The following SLC6A16 variants were observed in gnomAD, a reference collection of about 807,000 sequenced individuals.
SLC6A16 encodes orphan sodium- and chloride-dependent neurotransmitter transporter NTT5.
In SLC6A16, 54 loss-of-function variants were observed where a neutral mutation model predicts 65.4. The ratio of observed to expected loss-of-function variants is 0.83; its 90% confidence interval spans 0.66 to 1.04. The LOEUF is 1.04. Ranked by LOEUF, SLC6A16 falls within the 50% of genes least tolerant of loss-of-function variation. The pLI is 0.00. For synonymous variants in SLC6A16, 330 were observed against 346.5 expected, an observed-to-expected ratio of 0.95 and a Z score of 0.53; for missense variants, 816 against 914.0, an observed-to-expected ratio of 0.89 and a Z score of 1.38.
chr19:49,293,112 A>G (rs1970108938), intron 10 of SLC6A16, 111 bp downstream of exon 10: 1 of 912,496 alleles, frequency 1.1e-6, no homozygotes, highest in Non-Finnish European at 1.6e-6. Context: ...AAGACTCTGA[A>G]CTTAAGGGTC....
At chr19:49,324,556 A>G (rs768203570) in intron 1 of SLC6A16, among the ~76,000 whole-genome samples, 2 of 152,154 alleles carry the variant, frequency 1.3e-5, no homozygotes, top group African/African-American at 2.4e-5. Flanking sequence ...TCCTAGGCTC[A>G]TGCCCTGTGG....
intron 7 of SLC6A16, among the ~76,000 whole-genome samples, chr19:49,308,436 G>A (rs961196402): frequency 2.0e-5 from 3 of 152,232 alleles, no homozygotes; most frequent in Non-Finnish European, 2.9e-5. Context: ...CTGGGTGAAA[G>A]AGCGAGACTC....
chr19:49,293,243 G>C lies in SLC6A16; in HGVS notation c.1758C>G (p.Ser586=), dbSNP rs778376144. ...VVVVFETMAV[S]WAYGARRFLA... ...ATCACCTCCTGGCCCCATAGGCCCAGGATACAGCCATGGTTTCAAATACGA... is the reference window on the plus strand; with the variant it reads ...ATCACCTCCTGGCCCCATAGGCCCACGATACAGCCATGGTTTCAAATACGA... The change falls in exon 10 of 12, where the codon TCC becomes TCG. Residue 586 remains serine (S), a synonymous_variant. Transcript: ENST00000335875. The C allele has an allele frequency of 6.2e-7, 1 of 1,614,142 alleles. No individual in the cohort carries two copies. The highest frequency in any genetic ancestry group is 8.5e-7 in the Non-Finnish European group (1 of 1,180,036).
intron 1 of SLC6A16, among the ~76,000 whole-genome samples, chr19:49,317,082 G>A (rs963604290): frequency 2.6e-5 from 4 of 151,716 alleles, no homozygotes; most frequent in African/African-American, 7.3e-5. Context: ...GTTCATGCCC[G>A]TAATCCCAGC....
chr19:49,324,182 T>A (rs1970761046), intron 1 of SLC6A16, among the ~76,000 whole-genome samples: 1 of 151,796 alleles, frequency 6.6e-6, no homozygotes, highest in Non-Finnish European at 1.5e-5. Flanking sequence ...ATACAAAAAA[T>A]TAGCTGGGGG....
At position 49,291,594 on chromosome 19, in the gene SLC6A16, G is replaced by A. The variant is rs544853037; in HGVS notation, c.1779-827C>T. Among the ~76,000 whole-genome samples, 176 of 152,150 alleles carry A rather than the reference G, an allele frequency of 1.2e-3. 1 individual carries two copies. Among genetic ancestry groups the A allele is most frequent in the Non-Finnish European group, 2.1e-3 (143 of 68,004 alleles). On this transcript the variant is annotated intron_variant, in intron 10 of 11. Transcript: ENST00000335875. ...AACCACTATCAGATGAAAATGCTGA[G>A]GCTTTCACCCCTGAATTATACCAGG...
chr19:49,335,510 G>T, the SLC6A16 span: 1 of 1,550,882 alleles, frequency 6.4e-7, no homozygotes, highest in Non-Finnish European at 8.9e-7. The surrounding 1 kb of genome is among the most constrained non-coding windows in gnomAD (Gnocchi z 4.6). Context: ...CTTCTGTGTG[G>T]TGAGTGGACC....
At chr19:49,322,439 G>A (rs925965455) in intron 1 of SLC6A16, among the ~76,000 whole-genome samples, 13 of 151,984 alleles carry the variant, frequency 8.6e-5, no homozygotes, top group South Asian at 2.1e-4. Flanking sequence ...TCAGGAGTTC[G>A]AGACCAGCCT....
chr19:49,325,074 C>G lies in SLC6A16; in HGVS notation c.-91G>C. The G allele has an allele frequency of 1.0e-6, 1 of 985,638 alleles. No homozygotes were observed. The highest frequency in any genetic ancestry group is 1.2e-6 in the Non-Finnish European group (1 of 830,076). 61.1% of individuals were successfully genotyped at this position (985,638 alleles called of 1,614,324 possible). Reference sequence around the variant, plus strand: ...CTAGCCCCAAGGCTTCTGCCAGGTTCTTCAGTCCAGCCAGTCGGACAAAAA... The same window carrying G: ...CTAGCCCCAAGGCTTCTGCCAGGTTGTTCAGTCCAGCCAGTCGGACAAAAA... On this transcript the variant is annotated 5_prime_UTR_variant, in exon 1 of 12. Transcript: ENST00000335875.
chr19:49,310,977 G>T lies in SLC6A16; in HGVS notation c.371C>A (p.Ser124Tyr). The change falls in exon 2 of 12, where the codon TCT becomes TAT. Residue 124 changes from serine to tyrosine, a missense_variant. Physicochemically the swap from Ser to Tyr is moderately radical, Grantham distance 144. Transcript: ENST00000335875. ...CAGGTAGGCAAAGCGCCAGAGACAAGATGGCTTCATAGAGAAGCCCACCTG... is the reference window on the plus strand; with the variant it reads ...CAGGTAGGCAAAGCGCCAGAGACAATATGGCTTCATAGAGAAGCCCACCTG... ...LAQVGFSMKP[S>Y]CLWRFAYLWL... 6.2e-7 allele frequency: 1 copy of T among 1,614,212 alleles called. No individual in the cohort carries two copies. The highest frequency in any genetic ancestry group is 8.5e-7 in the Non-Finnish European group (1 of 1,180,024).
chr19:49,312,651 G>A (rs1183441296), intron 1 of SLC6A16: 1 of 827,860 alleles, frequency 1.2e-6, no homozygotes, highest in Admixed American at 6.2e-5. Context: ...AAGAGAGAGG[G>A]GAAACTGGAG....
At chr19:49,310,258 G>A (rs1272882357) in intron 3 of SLC6A16, 92 bp from the exon 4 acceptor site, 1 of 1,603,502 alleles carries the variant, frequency 6.2e-7, no homozygotes, top group Non-Finnish European at 8.5e-7. Flanking sequence ...AAAGGGATCT[G>A]ACCCATGGAG....
chr19:49,330,849 G>A, the SLC6A16 span, among the ~76,000 whole-genome samples: 1 of 151,986 alleles, frequency 6.6e-6, no homozygotes. Flanking sequence ...GGCTGAGGCG[G>A]GAGAATCGCT....
At chr19:49,318,107 A>T (rs1028312779) in intron 1 of SLC6A16, among the ~76,000 whole-genome samples, 1 of 152,184 alleles carries the variant, frequency 6.6e-6, no homozygotes, top group African/African-American at 2.4e-5. Context: ...TGGATAAAGT[A>T]CCTTCGAGCC....
In SLC6A16 at chr19:49,313,072, CAA is replaced by C. The variant is rs5828385; in HGVS notation, c.-64-1663_-64-1662del. Among the ~76,000 whole-genome samples the C allele has an allele frequency of 9.4e-3, 902 of 95,740 alleles. 5 individuals are homozygous for C. The highest frequency in any genetic ancestry group is 0.021 in the African/African-American group (401 of 18,968). 62.8% of individuals were successfully genotyped at this position (95,740 alleles called of 152,430 possible). On this transcript the variant is annotated intron_variant, in intron 1 of 11. Transcript: ENST00000335875. ...CACTCCAGCCTGGGCAACCCTGTCT[CAA>C]AAAAAAAAAAAAAAAAAAAAAGACG...
chr19:49,308,621 C>T (rs1970441650), intron 7 of SLC6A16, among the ~76,000 whole-genome samples: 1 of 152,060 alleles, frequency 6.6e-6, no homozygotes, highest in Non-Finnish European at 1.5e-5. Context: ...GTTAGCATAT[C>T]CACTCTGAGG....
rs1449453034 is a variant in SLC6A16 at position 49,292,593 on chromosome 19, C to T, written c.1778+630G>A. The stretch of plus-strand genomic sequence containing the variant: ...TGAGTCCTATCGTGGCTTACAAAAC[C>T]CTACATGACTTGGCCACCATCACTT... On this transcript the variant is annotated intron_variant, in intron 10 of 11. Transcript: ENST00000335875. This position sits in a 1 kb window ranked among gnomAD's most constrained non-coding sequence, Gnocchi z 4.3. Among the ~76,000 whole-genome samples, 9 of 152,166 alleles carry T rather than the reference C, an allele frequency of 5.9e-5. No homozygotes were observed. The highest frequency in any genetic ancestry group is 2.2e-4 in the African/African-American group (9 of 41,432).
intron 7 of SLC6A16, among the ~76,000 whole-genome samples, chr19:49,308,384 C>T (rs887681771): frequency 2.6e-5 from 4 of 152,114 alleles, no homozygotes; most frequent in East Asian, 3.9e-4. Flanking sequence ...ACCCAGGAGG[C>T]AGAGCTTGCA....
intron 1 of SLC6A16, among the ~76,000 whole-genome samples, chr19:49,323,131 T>G (rs1278076566): frequency 1.3e-5 from 2 of 152,124 alleles, no homozygotes; most frequent in Non-Finnish European, 2.9e-5. Flanking sequence ...GACAGTCTTT[T>G]CAACAAATGG....
Sources: allele counts gnomAD v4.1 joint callset (sites outside exome capture counted in the v4.1 genomes callset), GRCh38; gene constraint gnomAD v4.1.1; non-coding constraint Gnocchi (gnomAD v3.1); transcripts MANE v1.5; gene names NCBI Gene and HGNC (gene_info 2026-07-23, HGNC 2026-07-21).